Variants in PCDH8 observed in about 807,000 individuals in gnomAD.
The protein encoded by PCDH8 is protocadherin-8.
Under a neutral mutation model 58.2 loss-of-function variants are expected in PCDH8, and 36 were observed. The observed-to-expected ratio is 0.62, with a 90% confidence interval of 0.47 to 0.82. PCDH8 has a LOEUF of 0.82. Ranked by LOEUF, PCDH8 falls within the 40% of genes least tolerant of loss-of-function variation. The pLI, the probability that PCDH8 is intolerant of heterozygous loss-of-function variation, is 0.00. For synonymous variants in PCDH8, 775 were observed against 728.9 expected, an observed-to-expected ratio of 1.06 and a Z score of -1.02; for missense variants, 1,493 against 1,567.8, an observed-to-expected ratio of 0.95 and a Z score of 0.81.
Position 52,846,872 on chromosome 13 carries a change from C to A in PCDH8, c.1565G>T (p.Arg522Leu). ...GCCGTTGCGGCCCAGGTCCCGGTCGCGGGCGGCCACCGTGGCCAGGTAGGC... is the reference window on the plus strand; with the variant it reads ...GCCGTTGCGGCCCAGGTCCCGGTCGAGGGCGGCCACCGTGGCCAGGTAGGC... ...PGAYLATVAA[R>L]DRDLGRNGQV... Residue 522 changes from arginine to leucine, a missense_variant, in exon 1 of 3, where the codon CGC (arginine) becomes CTC (leucine). Arg to Leu is a moderately radical substitution (Grantham distance 102). Around this residue, in one of 3 missense-constraint regions of PCDH8, gnomAD observed 1,307 missense variants for 1,362.7 expected, o/e 0.96. Transcript: ENST00000377942. 1.3e-6 allele frequency: 2 copies of A among 1,552,044 alleles called. No individual in the cohort carries two copies. The highest frequency in any genetic ancestry group is 2.4e-5 in the East Asian group (1 of 41,436).
Position 52,846,971 on chromosome 13 carries a change from T to C in PCDH8, c.1466A>G (p.Asp489Gly). The part of the protein sequence containing the change: ...TVRPYTVRVG[D>G]ENDNAPLFTR... ...GAAGAGCGGCGCGTTGTCGTTCTCG[T>C]CGCCCACACGCACCGTGTAGGGCCG... The change falls in exon 1 of 3, where the codon GAC (aspartate) becomes GGC (glycine). Residue 489 changes from aspartate to glycine, a missense_variant. Physicochemically the swap from Asp to Gly is moderately conservative, Grantham distance 94 (BLOSUM62 -1). Around this residue, in one of 3 missense-constraint regions of PCDH8, gnomAD observed 1,307 missense variants for 1,362.7 expected, o/e 0.96. Transcript: ENST00000377942. 1.3e-6 allele frequency: 2 copies of C among 1,594,950 alleles called. No individual in the cohort carries two copies. Among genetic ancestry groups the C allele is most frequent in the Non-Finnish European group, 1.7e-6 (2 of 1,173,846 alleles).
At position 52,846,861 on chromosome 13, in the gene PCDH8, G is replaced by A; in HGVS notation, c.1576C>T (p.Leu526=). The A allele has an allele frequency of 6.5e-7, 1 of 1,549,258 alleles. No individual in the cohort carries two copies. Among genetic ancestry groups the A allele is most frequent in the Non-Finnish European group, 8.7e-7 (1 of 1,152,090 alleles). ...LATVAARDRD[L]GRNGQVTYRL... ...TAGGTGACCTGGCCGTTGCGGCCCA[G>A]GTCCCGGTCGCGGGCGGCCACCGTG... Residue 526 remains leucine (L), a synonymous_variant, in exon 1 of 3, where the codon CTG becomes TTG. Transcript: ENST00000377942.
In PCDH8 at chr13:52,844,845, T is replaced by C. The variant is rs1161667182; in HGVS notation, c.2928A>G (p.Pro976=). 1 of 1,608,432 alleles carries C rather than the reference T, an allele frequency of 6.2e-7. No individual in the cohort carries two copies. Among genetic ancestry groups the C allele is most frequent in the South Asian group, 1.1e-5 (1 of 89,918 alleles). ...SPSCSGPNAH[P]SPHPPAQMST... is the part of the protein sequence containing the mutation. ...ACATCTGGGCTGGTGGGTGAGGCGA[T>C]GGATGTGCGTTGGGCCCGCTGCAGG... The change falls in exon 3 of 3, where the codon CCA becomes CCG. Residue 976 remains proline (P), a synonymous_variant. Transcript: ENST00000377942.
At position 52,846,008 on chromosome 13, in the gene PCDH8, C is replaced by T. The variant is rs757089548; in HGVS notation, c.2429G>A (p.Arg810Gln). Reference protein sequence around the residue: ...SAPGSPEEAARGAGPRPNMFD... With the variant: ...SAPGSPEEAAQGAGPRPNMFD... The stretch of plus-strand genomic sequence containing the variant: ...CATGTTGGGCCTGGGCCCGGCTCCC[C>T]GGGCGGCCTCCTCCGGGGAGCCGGG... Residue 810 changes from arginine (R) to glutamine (Q), a missense_variant, in exon 1 of 3, where the codon CGG (arginine) becomes CAG (glutamine). Arg to Gln is a conservative substitution (Grantham distance 43). This residue lies in a region of PCDH8 where 1,307 missense variants were observed against 1,362.7 expected (regional missense o/e 0.96). Transcript: ENST00000377942. 6.1e-6 allele frequency: 9 copies of T among 1,473,052 alleles called. No homozygotes were observed. Among genetic ancestry groups the T allele is most frequent in the South Asian group, 1.3e-5 (1 of 74,174 alleles). The allele number at this position is 1,473,052 out of a possible 1,614,324, so 91.2% of individuals were successfully genotyped here. A position where few individuals can be genotyped will look rare whatever the true frequency, so the allele number is the denominator to read the frequency against.
intron 2 of PCDH8, 118 bp downstream of exon 2, chr13:52,845,307 G>T (rs771753596): frequency 1.8e-4 from 167 of 945,714 alleles, no homozygotes; most frequent in Non-Finnish European, 2.7e-4. Context: ...AGCTGTAGGA[G>T]TGAGAAAAAG....
At position 52,846,980 on chromosome 13, in the gene PCDH8, C is replaced by G. The variant is rs750432908; in HGVS notation, c.1457G>C (p.Arg486Pro). 2 of 1,593,986 alleles carry G rather than the reference C, an allele frequency of 1.3e-6. No homozygotes were observed. Among genetic ancestry groups the G allele is most frequent in the Non-Finnish European group, 1.7e-6 (2 of 1,173,308 alleles). The stretch of plus-strand genomic sequence containing the variant: ...CGCGTTGTCGTTCTCGTCGCCCACA[C>G]GCACCGTGTAGGGCCGCACTGTGCG... Reference protein sequence around the residue: ...PLRTVRPYTVRVGDENDNAPL... With the variant: ...PLRTVRPYTVPVGDENDNAPL... Residue 486 changes from arginine to proline, a missense_variant, in exon 1 of 3, where the codon CGT becomes CCT. Coordinates refer to ENST00000377942, the MANE Select transcript of PCDH8 (RefSeq NM_002590.4).
rs1293435682 is a variant in PCDH8, at chr13:52,847,015, C to G, written c.1422G>C (p.Ala474=). The G allele has an allele frequency of 6.4e-7, 1 of 1,566,552 alleles. No individual in the cohort carries two copies. The highest frequency in any genetic ancestry group is 8.6e-7 in the Non-Finnish European group (1 of 1,160,260). The change falls in exon 1 of 3, where the codon GCG becomes GCC. Residue 474 remains alanine, a synonymous_variant. Coordinates refer to ENST00000377942, the MANE Select transcript of PCDH8 (RefSeq NM_002590.4). ...NLTLVAEDRG[A]PPLRTVRPYT... is the part of the protein sequence containing the mutation. The stretch of plus-strand genomic sequence containing the variant: ...AGGGCCGCACTGTGCGCAGCGGGGG[C>G]GCGCCGCGATCCTCGGCCACCAGCG...
At position 52,848,525 on chromosome 13, in the gene PCDH8, C is replaced by A. The variant is rs1031400566; in HGVS notation, c.-89G>T. ...TCAGTCTCAGGCTCTCGGAATCACG[C>A]TCTTTGCGAGCCCTGTGCGGGAGAA... On this transcript the variant is annotated 5_prime_UTR_variant, in exon 1 of 3. Coordinates refer to ENST00000377942, the MANE Select transcript of PCDH8 (RefSeq NM_002590.4). 2.7e-6 allele frequency: 4 copies of A among 1,470,662 alleles called. No individual in the cohort carries two copies. The highest frequency in any genetic ancestry group is 3.6e-6 in the Non-Finnish European group (4 of 1,117,092). 91.1% of individuals were successfully genotyped at this position (1,470,662 alleles called of 1,614,324 possible). A position where few individuals can be genotyped will look rare whatever the true frequency, so the allele number is the denominator to read the frequency against.
At position 52,847,181 on chromosome 13, in the gene PCDH8, C is replaced by G. The variant is rs1965754136; in HGVS notation, c.1256G>C (p.Arg419Thr). The change falls in exon 1 of 3, where the codon AGG becomes ACG. Residue 419 changes from arginine (R) to threonine (T), a missense_variant. Arg to Thr is a moderately conservative substitution (Grantham distance 71). This residue lies in a region of PCDH8 where 1,307 missense variants were observed against 1,362.7 expected (regional missense o/e 0.96). Transcript: ENST00000377942. ...SLVALVSTSDRDSGANGQVRC... is the reference protein window; with the variant it reads ...SLVALVSTSDTDSGANGQVRC... ...CACTTGCCCGTTGGCGCCCGAGTCCCTGTCCGAGGTGCTGACCAGGGCCAC... is the reference window on the plus strand; with the variant it reads ...CACTTGCCCGTTGGCGCCCGAGTCCGTGTCCGAGGTGCTGACCAGGGCCAC... The G allele has an allele frequency of 6.7e-7, 1 of 1,484,496 alleles. No individual in the cohort carries two copies. Among genetic ancestry groups the G allele is most frequent in the African/African-American group, 1.5e-5 (1 of 68,886 alleles). 92.0% of individuals were successfully genotyped at this position (1,484,496 alleles called of 1,614,324 possible). A position where few individuals can be genotyped will look rare whatever the true frequency, so the allele number is the denominator to read the frequency against.
At position 52,845,434 on chromosome 13, in the gene PCDH8, T is replaced by G; in HGVS notation, c.2830A>C (p.Met944Leu). The G allele has an allele frequency of 6.2e-7, 1 of 1,613,632 alleles. No homozygotes were observed. ...DALKKDLINH[M>L]QSGLWACTAE... is the part of the protein sequence containing the mutation. ...AAAGAAGAGTCCTCACCACTCTGCATGTGGTTGATGAGATCCTTTTTCAGA... is the reference window on the plus strand; with the variant it reads ...AAAGAAGAGTCCTCACCACTCTGCAGGTGGTTGATGAGATCCTTTTTCAGA... The change falls in exon 2 of 3, where the codon ATG becomes CTG. Residue 944 changes from methionine to leucine, a missense_variant. This residue lies in a region of PCDH8 where 182 missense variants were observed against 178.9 expected (regional missense o/e 1.02). Coordinates refer to ENST00000377942, the MANE Select transcript of PCDH8 (RefSeq NM_002590.4).
rs116702635 is a variant in PCDH8, at chr13:52,848,614, T to C, written c.-178A>G. 2.2e-3 allele frequency: 2,685 copies of C among 1,239,454 alleles called. 37 individuals carry two copies. The African/African-American group carries it at 0.034, about 16-fold the overall frequency. 76.8% of individuals were successfully genotyped at this position (1,239,454 alleles called of 1,614,324 possible). ...AGGACGCGCGGACCCGCCCTCACTC[T>C]GCGCCTCTCCGTCTCTTACAGAAGC... On this transcript the variant is annotated 5_prime_UTR_variant, in exon 1 of 3. Coordinates refer to ENST00000377942, the MANE Select transcript of PCDH8 (RefSeq NM_002590.4).
Position 52,847,564 on chromosome 13 carries a change from C to T in PCDH8, c.873G>A (p.Pro291=). The T allele has an allele frequency of 1.3e-6, 2 of 1,561,472 alleles. No homozygotes were observed. Among genetic ancestry groups the T allele is most frequent in the East Asian group, 2.4e-5 (1 of 42,210 alleles). The change falls in exon 1 of 3, where the codon CCG becomes CCA. Residue 291 remains proline, a synonymous_variant. Coordinates refer to ENST00000377942, the MANE Select transcript of PCDH8 (RefSeq NM_002590.4). ...VVFAFGARTP[P]EARRLFRLDP... Reference sequence around the variant, plus strand: ...CAAGCCGAAAGAGGCGGCGCGCCTCCGGCGGGGTGCGGGCGCCAAATGCGA... The same window carrying T: ...CAAGCCGAAAGAGGCGGCGCGCCTCTGGCGGGGTGCGGGCGCCAAATGCGA...
At position 52,845,805 on chromosome 13, in the gene PCDH8, C is replaced by T. The variant is rs1965720979; in HGVS notation, c.2631+1G>A. On this transcript the variant is annotated splice_donor_variant, in intron 1 of 2. Coordinates refer to ENST00000377942, the MANE Select transcript of PCDH8 (RefSeq NM_002590.4). LOFTEE classifies it high-confidence loss of function. ...GGCGCCCAGCCGAAGGAAGGCCTCA[C>T]CTCGGCGTGCGCGCCGCGGAGCCGC... The T allele has an allele frequency of 6.7e-7, 1 of 1,501,484 alleles. No homozygotes were observed. The highest frequency in any genetic ancestry group is 8.8e-7 in the Non-Finnish European group (1 of 1,133,540). 93.0% of individuals were successfully genotyped at this position (1,501,484 alleles called of 1,614,324 possible). A position where few individuals can be genotyped will look rare whatever the true frequency, so the allele number is the denominator to read the frequency against.
rs1463758446 is a variant in PCDH8, at chr13:52,844,938, T to C, written c.2840-5A>G. 1 of 1,514,002 alleles carries C rather than the reference T, an allele frequency of 6.6e-7. No homozygotes were observed. The highest frequency in any genetic ancestry group is 1.4e-5 in the African/African-American group (1 of 71,722). The allele number at this position is 1,514,002 out of a possible 1,614,324, so 93.8% of individuals were successfully genotyped here. ...CAGCGGTGCACGCCCACAGTCCTAATACGAAAGGGAAAAGGAAACAGCATG... is the reference window on the plus strand; with the variant it reads ...CAGCGGTGCACGCCCACAGTCCTAACACGAAAGGGAAAAGGAAACAGCATG... On this transcript the variant is annotated splice_polypyrimidine_tract_variant and splice_region_variant and intron_variant, in intron 2 of 2. Coordinates refer to ENST00000377942, the MANE Select transcript of PCDH8 (RefSeq NM_002590.4).
Position 52,847,694 on chromosome 13 carries a change from C to T in PCDH8, c.743G>A (p.Gly248Asp). ...CGCCAGCTCCACTTCGGCCACGGCG[C>T]CCTGCGGGAAGGCCGGGCTGTGGTC... The part of the protein sequence containing the change: ...ANDHSPAFPQ[G>D]AVAEVELAED... Residue 248 changes from glycine to aspartate, a missense_variant, in exon 1 of 3, where the codon GGC (glycine) becomes GAC (aspartate). Physicochemically the swap from Gly to Asp is moderately conservative, Grantham distance 94. This residue lies in a region of PCDH8 where 1,307 missense variants were observed against 1,362.7 expected (regional missense o/e 0.96). Transcript: ENST00000377942. The T allele has an allele frequency of 6.4e-7, 1 of 1,551,254 alleles. No homozygotes were observed. Among genetic ancestry groups the T allele is most frequent in the East Asian group, 2.4e-5 (1 of 41,086 alleles).
In PCDH8 at chr13:52,845,999, C is replaced by G. The variant is rs1329242185; in HGVS notation, c.2438G>C (p.Gly813Ala). 6.8e-7 allele frequency: 1 copy of G among 1,468,046 alleles called. No homozygotes were observed. Among genetic ancestry groups the G allele is most frequent in the East Asian group, 2.7e-5 (1 of 36,474 alleles). 90.9% of individuals were successfully genotyped at this position (1,468,046 alleles called of 1,614,324 possible). Residue 813 changes from glycine (G) to alanine (A), a missense_variant, in exon 1 of 3, where the codon GGG (glycine) becomes GCG (alanine). This residue lies in a region of PCDH8 where 1,307 missense variants were observed against 1,362.7 expected (regional missense o/e 0.96). Coordinates refer to ENST00000377942, the MANE Select transcript of PCDH8 (RefSeq NM_002590.4). Reference protein sequence around the residue: ...GSPEEAARGAGPRPNMFDVLT... With the variant: ...GSPEEAARGAAPRPNMFDVLT... Reference sequence around the variant, plus strand: ...CACGTCGAACATGTTGGGCCTGGGCCCGGCTCCCCGGGCGGCCTCCTCCGG... The same window carrying G: ...CACGTCGAACATGTTGGGCCTGGGCGCGGCTCCCCGGGCGGCCTCCTCCGG...
Position 52,847,351 on chromosome 13 carries a change from T to A in PCDH8, c.1086A>T (p.Pro362=). 1 of 1,479,228 alleles carries A rather than the reference T, an allele frequency of 6.8e-7. No homozygotes were observed. The highest frequency in any genetic ancestry group is 8.9e-7 in the Non-Finnish European group (1 of 1,120,734). 91.6% of individuals were successfully genotyped at this position (1,479,228 alleles called of 1,614,324 possible). ...PDIAITPLAA[P]GAPATSPFAA... is the part of the protein sequence containing the mutation. ...CGAAGGGTGAGGTTGCCGGCGCGCC[T>A]GGGGCGGCCAGCGGGGTGATGGCGA... Residue 362 remains proline, a synonymous_variant, in exon 1 of 3, where the codon CCA becomes CCT. Coordinates refer to ENST00000377942, the MANE Select transcript of PCDH8 (RefSeq NM_002590.4).
chr13:52,846,286 C>T lies in PCDH8; in HGVS notation c.2151G>A (p.Gly717=), dbSNP rs766033126. The change falls in exon 1 of 3, where the codon GGG becomes GGA. Residue 717 remains glycine, a synonymous_variant. Transcript: ENST00000377942. ...TTCCTGCACTGGCAGGCGCAGCCGG[C>T]CCACGCCCGCCCCCTGCTGTTACCA... ...SFVVTAGGGR[G]PAAPASAGSP... is the part of the protein sequence containing the mutation. 5 of 1,573,212 alleles carry T rather than the reference C, an allele frequency of 3.2e-6. No individual in the cohort carries two copies. Among genetic ancestry groups the T allele is most frequent in the East Asian group, 4.5e-5 (2 of 44,220 alleles).
chr13:52,847,302 G>A lies in PCDH8; in HGVS notation c.1135C>T (p.Leu379Phe). ...GGCGAGCTAGCGTCCGCTCCCCCGA[G>A]TGCAGCGGCGGCGGCGGCAGCGGCG... ...PFAAAAAAAA[L>F]GGADASSPAG... The change falls in exon 1 of 3, where the codon CTC (leucine) becomes TTC (phenylalanine). Residue 379 changes from leucine to phenylalanine, a missense_variant. Coordinates refer to ENST00000377942, the MANE Select transcript of PCDH8 (RefSeq NM_002590.4). 1 of 1,404,784 alleles carries A rather than the reference G, an allele frequency of 7.1e-7. No homozygotes were observed. The highest frequency in any genetic ancestry group is 2.8e-5 in the East Asian group (1 of 35,194). The allele number at this position is 1,404,784 out of a possible 1,614,324, so 87.0% of individuals were successfully genotyped here.
Sources: allele counts gnomAD v4.1 joint callset, GRCh38; gene constraint gnomAD v4.1.1; regional missense constraint gnomAD v4.1.1; transcripts MANE v1.5; gene names NCBI Gene and HGNC (gene_info 2026-07-23, HGNC 2026-07-21).